The following P3H2 variants were observed in gnomAD, a reference collection of about 807,000 sequenced individuals.
The protein encoded by P3H2 is prolyl 3-hydroxylase 2, also known as leprecan-like 1.
Under a neutral mutation model 87.0 loss-of-function variants are expected in P3H2, and 80 were observed. That is an observed-to-expected ratio of 0.92 (90% CI 0.77 to 1.11). The LOEUF is 1.11. P3H2 is among the 50% of genes least tolerant of loss of function. The pLI, the probability that P3H2 is intolerant of heterozygous loss-of-function variation, is 0.00. For synonymous variants in P3H2, 367 were observed against 359.3 expected, an observed-to-expected ratio of 1.02 and a Z score of -0.24; for missense variants, 1,001 against 923.9, an observed-to-expected ratio of 1.08 and a Z score of -1.08.
At chr3:190,046,947 A>T (rs998885527) in intron 1 of P3H2, among the ~76,000 whole-genome samples, 2 of 152,174 alleles carry the variant, frequency 1.3e-5, no homozygotes, top group African/African-American at 4.8e-5. Flanking sequence ...CAAAGCAAAG[A>T]GATAACCTAC....
chr3:190,045,942 A>G (rs1725786943), intron 1 of P3H2, among the ~76,000 whole-genome samples: 1 of 152,074 alleles, frequency 6.6e-6, no homozygotes, highest in Non-Finnish European at 1.5e-5. Context: ...TAACATGGTG[A>G]AACCCCGTCT....
intron 1 of P3H2, among the ~76,000 whole-genome samples, chr3:190,104,370 G>T (rs1711750568): frequency 6.6e-6 from 1 of 152,196 alleles, no homozygotes; most frequent in Non-Finnish European, 1.5e-5. Context: ...CTCCACTCCA[G>T]TGATGGTATC....
chr3:189,984,460 T>C (rs988159267), intron 7 of P3H2, 90 bp downstream of exon 7: 59 of 963,032 alleles, frequency 6.1e-5, no homozygotes, highest in Non-Finnish European at 9.3e-5. Context: ...TCTCCTTGCC[T>C]ATTTCATAGA....
chr3:190,008,867 G>A (rs566262679), intron 1 of P3H2, among the ~76,000 whole-genome samples: 154 of 152,226 alleles, frequency 1.0e-3, no homozygotes, highest in Middle Eastern at 3.4e-3. Context: ...AGTGAATCTG[G>A]GGGGTGGGGT....
chr3:190,037,189 T>C (rs959064312), intron 1 of P3H2, among the ~76,000 whole-genome samples: 7 of 152,184 alleles, frequency 4.6e-5, no homozygotes, highest in African/African-American at 1.7e-4. Context: ...TGAGATCATA[T>C]AGCTGGAAAG....
intron 8 of P3H2, among the ~76,000 whole-genome samples, chr3:189,976,068 C>G (rs188267837): frequency 7.8e-6 from 1 of 128,956 alleles, no homozygotes; most frequent in African/African-American, 2.7e-5. Flanking sequence ...GAATGGTTAA[C>G]GTTATTTTTC....
rs60227697 is a variant in P3H2, at chr3:190,071,978, G to GTTTTT, written c.480+48269_480+48273dup. 1.4e-3 allele frequency among the ~76,000 whole-genome samples: 167 copies of GTTTTT among 119,194 alleles called. 3 individuals are homozygous for GTTTTT. Among genetic ancestry groups the GTTTTT allele is most frequent in the African/African-American group, 5.3e-3 (157 of 29,580 alleles). The allele number at this position is 119,194 out of a possible 152,430, so 78.2% of individuals were successfully genotyped here. Reference sequence around the variant, plus strand: ...AATGCATATTAAAACAAGATGAAGGGTTTTTTTTTTTTTTTTTTTTGAGGC... The same window carrying GTTTTT: ...AATGCATATTAAAACAAGATGAAGGGTTTTTTTTTTTTTTTTTTTTTTTTTGAGGC... On this transcript the variant is annotated intron_variant, in intron 1 of 14. Coordinates refer to ENST00000319332, the MANE Select transcript of P3H2 (RefSeq NM_018192.4).
At chr3:190,094,127 T>C (rs1414303523) in intron 1 of P3H2, among the ~76,000 whole-genome samples, 1 of 152,172 alleles carries the variant, frequency 6.6e-6, no homozygotes, top group African/African-American at 2.4e-5. Flanking sequence ...CTCTGGAAAA[T>C]TAACATCTGC....
intron 1 of P3H2, among the ~76,000 whole-genome samples, chr3:190,092,141 G>A (rs1385772033): frequency 6.6e-6 from 1 of 151,864 alleles, no homozygotes; most frequent in East Asian, 1.9e-4. Context: ...GCTGAGGTAG[G>A]AGAATGGCTT....
At chr3:189,973,507 C>CTATTT (rs1723243535) in intron 10 of P3H2, among the ~76,000 whole-genome samples, 1 of 78,990 alleles carries the variant, frequency 1.3e-5, no homozygotes, top group African/African-American at 4.7e-5. Flanking sequence ...TTCTTTCTTT[C>CTATTT]TTTCTTTTTT....
At chr3:190,078,345 G>A (rs1726935665) in intron 1 of P3H2, among the ~76,000 whole-genome samples, 1 of 152,106 alleles carries the variant, frequency 6.6e-6, no homozygotes, top group African/African-American at 2.4e-5. Context: ...TATGAAATTG[G>A]TCATTTTAGC....
intron 13 of P3H2, 51 bp downstream of exon 13, chr3:189,970,765 A>G (rs775752363): frequency 2.8e-6 from 3 of 1,066,222 alleles, no homozygotes; most frequent in Admixed American, 1.7e-5. Flanking sequence ...GAAAAATGGC[A>G]ATACTGAGCT....
chr3:190,025,919 T>C (rs937661137), intron 1 of P3H2, among the ~76,000 whole-genome samples: 9 of 152,222 alleles, frequency 5.9e-5, no homozygotes, highest in Admixed American at 5.9e-4. Flanking sequence ...GGATTTACAG[T>C]ACACTTTTTA....
At position 190,120,302 on chromosome 3, in the gene P3H2, C is replaced by G; in HGVS notation, c.430G>C (p.Asp144His). Reference protein sequence around the residue: ...RHRVSEDVRSDFQRRVPYNYL... With the variant: ...RHRVSEDVRSHFQRRVPYNYL... Reference sequence around the variant, plus strand: ...TTGTAGGGCACTCTGCGCTGGAAGTCGCTGCGCACATCCTCGCTGACGCGG... The same window carrying G: ...TTGTAGGGCACTCTGCGCTGGAAGTGGCTGCGCACATCCTCGCTGACGCGG... Residue 144 changes from aspartate to histidine, a missense_variant, in exon 1 of 15, where the codon GAC (aspartate) becomes CAC (histidine). Coordinates refer to ENST00000319332, the MANE Select transcript of P3H2 (RefSeq NM_018192.4). The G allele has an allele frequency of 6.2e-7, 1 of 1,609,588 alleles. No individual in the cohort carries two copies. The highest frequency in any genetic ancestry group is 1.7e-5 in the Admixed American group (1 of 59,648).
intron 1 of P3H2, among the ~76,000 whole-genome samples, chr3:189,997,413 T>C (rs1194830515): frequency 6.6e-6 from 1 of 152,210 alleles, no homozygotes; most frequent in Admixed American, 6.5e-5. Flanking sequence ...TGTGAAGAAA[T>C]GAAAACTAAT....
intron 1 of P3H2, among the ~76,000 whole-genome samples, chr3:190,117,114 GA>G (rs1455169515): frequency 1.3e-5 from 2 of 152,304 alleles, no homozygotes; most frequent in East Asian, 3.9e-4. Context: ...CCAGACTCCT[GA>G]CTCCCAGCCC....
chr3:190,023,664 G>C (rs710578), intron 1 of P3H2, among the ~76,000 whole-genome samples: 34,967 of 152,034 alleles, frequency 0.23, 4,236 homozygotes, highest in East Asian at 0.36. Flanking sequence ...GAGGAGTTTT[G>C]GGTGGGGACA....
intron 1 of P3H2, among the ~76,000 whole-genome samples, chr3:190,052,290 G>A (rs1726008223): frequency 6.6e-6 from 1 of 151,910 alleles, no homozygotes; most frequent in African/African-American, 2.4e-5. Context: ...CCCTCCCTGG[G>A]TCCATATGTT....
Position 189,972,014 on chromosome 3 carries a change from G to C in P3H2, c.1700-7C>G, listed in dbSNP as rs761208397. 1.9e-6 allele frequency: 3 copies of C among 1,550,028 alleles called. No individual in the cohort carries two copies. Among genetic ancestry groups the C allele is most frequent in the Non-Finnish European group, 2.7e-6 (3 of 1,121,736 alleles). ...TTTCTTCTATCCTGCTGACCTGCCAGAAAAGGGAATAGGGAAGAACGAGAA... is the reference window on the plus strand; with the variant it reads ...TTTCTTCTATCCTGCTGACCTGCCACAAAAGGGAATAGGGAAGAACGAGAA... On this transcript the variant is annotated splice_region_variant and splice_polypyrimidine_tract_variant and intron_variant, in intron 11 of 14. Transcript: ENST00000319332.
Sources: allele counts gnomAD v4.1 joint callset (sites outside exome capture counted in the v4.1 genomes callset), GRCh38; gene constraint gnomAD v4.1.1; transcripts MANE v1.5; gene names NCBI Gene and HGNC (gene_info 2026-07-23, HGNC 2026-07-21).